The following RAD51B variants were observed in gnomAD, a reference collection of about 807,000 sequenced individuals.
RAD51B encodes DNA repair protein RAD51 homolog 2.
Under a neutral mutation model 42.2 loss-of-function variants are expected in RAD51B, and 38 were observed. The observed-to-expected ratio is 0.90, with a 90% confidence interval of 0.70 to 1.18. The LOEUF (loss-of-function observed/expected upper bound fraction) is 1.18, where lower values mean the gene tolerates loss of function less well. Among genes scored for constraint, RAD51B ranks in the 50% most tolerant of loss-of-function variants. RAD51B has a pLI of 0.00. For synonymous variants in RAD51B, 154 were observed against 145.2 expected (o/e 1.06, Z -0.43); for missense variants, 373 against 400.7 (o/e 0.93, Z 0.59).
intron 9 of RAD51B, among the ~76,000 whole-genome samples, chr14:68,420,078 A>T (rs1346375300): frequency 6.6e-6 from 1 of 152,200 alleles, no homozygotes; most frequent in Non-Finnish European, 1.5e-5. Flanking sequence ...AGATCTGATC[A>T]TCTCTATTTT....
rs574863543 is a variant in RAD51B at position 68,536,217 on chromosome 14, C to T, written c.1037-58268C>T. On this transcript the variant is annotated intron_variant, in intron 10 of 10. Coordinates refer to the RAD51B transcript ENST00000487270. ...AGCATCTGATTGGCCCAACTTGGGT[C>T]AAAAACCTCCTAATTGCCAGCAATA... Among the ~76,000 whole-genome samples, 9 of 152,224 alleles carry T rather than the reference C, an allele frequency of 5.9e-5. No individual in the cohort carries two copies. The South Asian group carries it at 1.9e-3, about 32-fold the overall frequency.
Position 68,591,509 on chromosome 14 carries a change from A to C in RAD51B, c.1037-2976A>C, listed in dbSNP as rs144334078. ...TCTCAAGAAACAACCATATGATGCT[A>C]TGATAATCGATATCCTTCCAATGAC... On this transcript the variant is annotated intron_variant, in intron 10 of 10. Transcript: ENST00000487270. Among the ~76,000 whole-genome samples, 42 of 152,318 alleles carry C rather than the reference A, an allele frequency of 2.8e-4. 1 individual carries two copies. The East Asian group carries it at 7.3e-3, about 27-fold the overall frequency.
rs34167311 is a variant in RAD51B at position 68,123,039 on chromosome 14, GT to G, written c.757-168841del. ...GTTGTAAGGTTGTTTCCAGGGGGGG[GT>G]TTTGCTGTGTGAGAAACAGGAAAAA... On this transcript the variant is annotated intron_variant, in intron 7 of 10. Coordinates refer to ENST00000471583, the MANE Select transcript of RAD51B (RefSeq NM_133510.4). Among the ~76,000 whole-genome samples, 852 of 152,222 alleles carry G rather than the reference GT, an allele frequency of 5.6e-3. 2 individuals carry two copies. The highest frequency in any genetic ancestry group is 9.5e-3 in the Non-Finnish European group (644 of 68,006).
At chr14:67,969,994 A>G (rs76249318) in intron 7 of RAD51B, among the ~76,000 whole-genome samples, 3,579 of 152,300 alleles carry the variant, frequency 0.023, 80 homozygotes, top group African/African-American at 0.055. Flanking sequence ...CAGATATTTA[A>G]GAGGTACCAT....
intron 7 of RAD51B, among the ~76,000 whole-genome samples, chr14:68,255,724 C>T (rs893963215): frequency 6.6e-6 from 1 of 152,208 alleles, no homozygotes; most frequent in Non-Finnish European, 1.5e-5. Context: ...ATGTAATAGT[C>T]ATTGTTCATG....
intron 9 of RAD51B, among the ~76,000 whole-genome samples, chr14:68,463,113 A>G (rs771792061): frequency 6.6e-6 from 1 of 152,176 alleles, no homozygotes; most frequent in Admixed American, 6.5e-5. Context: ...AGAACTCCCC[A>G]GATTTATGGG....
At chr14:68,653,140 C>G (rs1035421326) in intron 11 of RAD51B, among the ~76,000 whole-genome samples, 1 of 152,230 alleles carries the variant, frequency 6.6e-6, no homozygotes. Context: ...CCACATCCCA[C>G]AGGTGGAGAG....
At chr14:68,044,405 C>G (rs752659487) in intron 7 of RAD51B, among the ~76,000 whole-genome samples, 1 of 152,074 alleles carries the variant, frequency 6.6e-6, no homozygotes, top group Non-Finnish European at 1.5e-5. Context: ...TTTCTTTTCT[C>G]TCTTGTTCCC....
At chr14:68,317,526 G>A (rs1024790833) in intron 8 of RAD51B, among the ~76,000 whole-genome samples, 2 of 152,074 alleles carry the variant, frequency 1.3e-5, no homozygotes, top group African/African-American at 4.8e-5. Context: ...TCAATGACAT[G>A]GTTAATAAGC....
chr14:68,342,808 T>A (rs548470056), intron 8 of RAD51B, among the ~76,000 whole-genome samples: 1 of 152,306 alleles, frequency 6.6e-6, no homozygotes, highest in African/African-American at 2.4e-5. Flanking sequence ...ACGTTTGACC[T>A]AATTGTAGAC....
chr14:67,860,454 G>T (rs1167059386), intron 4 of RAD51B, among the ~76,000 whole-genome samples: 1 of 152,088 alleles, frequency 6.6e-6, no homozygotes, highest in Non-Finnish European at 1.5e-5. Flanking sequence ...AAGAGTTTAG[G>T]TTGCATACAT....
intron 9 of RAD51B, among the ~76,000 whole-genome samples, chr14:68,428,483 A>G (rs984046345): frequency 3.3e-5 from 5 of 151,904 alleles, no homozygotes; most frequent in African/African-American, 7.3e-5. Flanking sequence ...ACTTATTCGC[A>G]TTGCATAACT....
chr14:68,619,227 C>A (rs538949250), intron 10 of RAD51B, among the ~76,000 whole-genome samples: 24 of 152,260 alleles, frequency 1.6e-4, no homozygotes, highest in Admixed American at 1.5e-3. Flanking sequence ...GTAATCCCAG[C>A]ACTTTGGGAG....
At chr14:68,623,792 G>T (rs1470222127) in intron 10 of RAD51B, among the ~76,000 whole-genome samples, 1 of 152,238 alleles carries the variant, frequency 6.6e-6, no homozygotes, top group Non-Finnish European at 1.5e-5. Context: ...AGTAGGGCCG[G>T]TAAGGCTTTG....
At chr14:68,017,969 C>CAAAT (rs1566581606) in intron 7 of RAD51B, among the ~76,000 whole-genome samples, 115 of 124,962 alleles carry the variant, frequency 9.2e-4, no homozygotes, top group African/African-American at 3.7e-3. Flanking sequence ...GACTCCGTCT[C>CAAAT]GAATAAATAA....
intron 10 of RAD51B, chr14:68,562,067 T>G: frequency 1.0e-6 from 1 of 985,424 alleles, no homozygotes. Flanking sequence ...ATGAATAATT[T>G]GGAGAGTCCA....
At chr14:68,244,456 C>T (rs981320485) in intron 7 of RAD51B, among the ~76,000 whole-genome samples, 12 of 152,158 alleles carry the variant, frequency 7.9e-5, no homozygotes, top group African/African-American at 2.4e-4. Flanking sequence ...GAGCAAACAC[C>T]CAGACAGAAG....
intron 10 of RAD51B, among the ~76,000 whole-genome samples, chr14:68,572,268 G>A (rs1889745636): frequency 6.6e-6 from 1 of 152,232 alleles, no homozygotes; most frequent in Admixed American, 6.5e-5. Flanking sequence ...ACCCACGGTG[G>A]GCTTCAGTCT....
intron 9 of RAD51B, among the ~76,000 whole-genome samples, chr14:68,463,547 A>G (rs1000644399): frequency 6.6e-6 from 1 of 152,182 alleles, no homozygotes; most frequent in African/African-American, 2.4e-5. Context: ...TGAAAGCAAT[A>G]TGCATCTTCA....
Sources: allele counts gnomAD v4.1 joint callset (sites outside exome capture counted in the v4.1 genomes callset), GRCh38; gene constraint gnomAD v4.1.1; transcripts MANE v1.5; gene names NCBI Gene and HGNC (gene_info 2026-07-23, HGNC 2026-07-21).